DENND2B: variants seen among roughly 807,000 people sequenced by gnomAD.
DENND2B encodes the protein DENN domain containing 2B.
In DENND2B, 32 loss-of-function variants were observed where a neutral mutation model predicts 116.0. The observed-to-expected ratio is 0.28, with a 90% CI of 0.21 to 0.37. DENND2B has a LOEUF of 0.37. Among genes scored for constraint, DENND2B ranks in the 10% least tolerant of loss-of-function variants. DENND2B has a pLI of 1.00. For missense variants in DENND2B, 1,276 were observed against 1,477.7 expected (o/e 0.86, Z 2.24); for synonymous variants, 588 against 583.9 (o/e 1.01, Z -0.10).
At chr11:8,801,766 AGCCGAGGTGG>A (rs2060353903) in intron 1 of DENND2B, among the ~76,000 whole-genome samples, 1 of 149,568 alleles carries the variant, frequency 6.7e-6, no homozygotes, top group Admixed American at 6.6e-5. Context: ...CACCTTGGAA[AGCCGAGGTGG>A]GCGGATCACT....
rs374430746 is a variant in DENND2B, at chr11:8,713,960, C to G, written c.1987+38G>C. The G allele has an allele frequency of 1.9e-6, 3 of 1,611,964 alleles. No individual in the cohort carries two copies. The African/African-American group carries it at 4.0e-5, about 22-fold the overall frequency. Reference sequence around the variant, plus strand: ...GGAAGGCTGATTCCCTGCAGCCCTGCTGGGAGAGCTTCCGTACTCATGGGA... The same window carrying G: ...GGAAGGCTGATTCCCTGCAGCCCTGGTGGGAGAGCTTCCGTACTCATGGGA... On this transcript the variant is annotated intron_variant, in intron 8 of 19. Transcript: ENST00000313726.
At chr11:8,720,720 C>T (rs549213283) in intron 4 of DENND2B, among the ~76,000 whole-genome samples, 29 of 152,204 alleles carry the variant, frequency 1.9e-4, no homozygotes, top group Non-Finnish European at 2.9e-4. Context: ...TCCCAGTCAT[C>T]TCTCCAGGTG....
chr11:8,824,044 A>C (rs1329644401), intron 4 of DENND2B, among the ~76,000 whole-genome samples: 1 of 151,624 alleles, frequency 6.6e-6, no homozygotes, highest in Admixed American at 6.6e-5. Context: ...CTGGGACTAC[A>C]GGTGCCCACC....
chr11:8,894,834 AGT>A (rs2064079705), intron 1 of DENND2B, among the ~76,000 whole-genome samples: 1 of 152,164 alleles, frequency 6.6e-6, no homozygotes, highest in African/African-American at 2.4e-5. Context: ...TGTGGAAGAG[AGT>A]GTGGCAATTC....
rs2052138021 is a variant in DENND2B at position 8,750,318 on chromosome 11, GC to G, written c.80+302del. Among the ~76,000 whole-genome samples, 3 of 152,278 alleles carry G rather than the reference GC, an allele frequency of 2.0e-5. No individual in the cohort carries two copies. In the South Asian group the frequency reaches 6.2e-4, roughly 32 times the overall value. On this transcript the variant is annotated intron_variant, in intron 2 of 19. Coordinates refer to ENST00000313726, the MANE Select transcript of DENND2B (RefSeq NM_213618.2). Reference sequence around the variant, plus strand: ...ACAGTGCAGCTTAGCTCAGGCACAGGCCCCAAGCTCTCCCCACCATGGGAAA... The same window carrying G: ...ACAGTGCAGCTTAGCTCAGGCACAGGCCCAAGCTCTCCCCACCATGGGAAA...
At chr11:8,734,650 G>T (rs1009487645) in intron 2 of DENND2B, among the ~76,000 whole-genome samples, 1 of 151,970 alleles carries the variant, frequency 6.6e-6, no homozygotes, top group African/African-American at 2.4e-5. Flanking sequence ...TTAGCTGGGC[G>T]TGGTGGCAGG....
intron 4 of DENND2B, among the ~76,000 whole-genome samples, chr11:8,838,687 C>T (rs2134607555): frequency 6.6e-6 from 1 of 152,246 alleles, no homozygotes; most frequent in African/African-American, 2.4e-5. Context: ...TGAGGACAAG[C>T]TGGGAACAAA....
At chr11:8,790,566 C>G (rs554805034) in intron 1 of DENND2B, among the ~76,000 whole-genome samples, 1 of 151,998 alleles carries the variant, frequency 6.6e-6, no homozygotes, top group African/African-American at 2.4e-5. Context: ...CCCAAGAGTT[C>G]GAGACCAACC....
chr11:8,822,805 T>G (rs368223711), intron 4 of DENND2B, among the ~76,000 whole-genome samples: 36 of 152,346 alleles, frequency 2.4e-4, no homozygotes, highest in Admixed American at 2.0e-4. Context: ...TTCTAGCATA[T>G]TCATCTTTGA....
chr11:8,745,269 G>A (rs2051030835), intron 2 of DENND2B, among the ~76,000 whole-genome samples: 1 of 152,074 alleles, frequency 6.6e-6, no homozygotes, highest in Non-Finnish European at 1.5e-5. Context: ...TGCCCAGGCT[G>A]GTCTCAAACT....
At chr11:8,737,632 T>C (rs1169540120) in intron 2 of DENND2B, among the ~76,000 whole-genome samples, 1 of 152,190 alleles carries the variant, frequency 6.6e-6, no homozygotes, top group Non-Finnish European at 1.5e-5. Context: ...TGGAGAAGAA[T>C]ATGGCATAAT....
intron 4 of DENND2B, among the ~76,000 whole-genome samples, chr11:8,721,022 T>C (rs916269703): frequency 6.6e-5 from 10 of 151,996 alleles, no homozygotes; most frequent in Non-Finnish European, 1.2e-4. Context: ...CACATGACCC[T>C]TGGAGAGGGA....
intron 1 of DENND2B, among the ~76,000 whole-genome samples, chr11:8,885,432 A>C (rs2063949911): frequency 6.6e-6 from 1 of 150,718 alleles, no homozygotes. Flanking sequence ...ATTTGCTCAC[A>C]ATTAACTGTA....
chr11:8,758,158 C>T (rs2053929413), intron 1 of DENND2B, among the ~76,000 whole-genome samples: 1 of 152,176 alleles, frequency 6.6e-6, no homozygotes, highest in Admixed American at 6.5e-5. Context: ...CCCTTAAGTG[C>T]AAAAACTTGT....
chr11:8,851,459 A>T (rs1452256170), intron 3 of DENND2B, among the ~76,000 whole-genome samples: 1 of 152,232 alleles, frequency 6.6e-6, no homozygotes, highest in African/African-American at 2.4e-5. Context: ...TTTTTATCTT[A>T]TCAGATTTGC....
intron 1 of DENND2B, chr11:8,771,566 A>AGAGAGAGAGAGAGAGAGAGAGGGAGAGC (rs146752028): frequency 8.3e-6 from 1 of 120,310 alleles, no homozygotes; most frequent in Non-Finnish European, 1.8e-5. Flanking sequence ...AGAGAGAGAG[A>AGAGAGAGAGAGAGAGAGAGAGGGAGAGC]GCCTTCTTCC....
chr11:8,809,370 G>C (rs1374210835), intron 1 of DENND2B: 1 of 152,212 alleles, frequency 6.6e-6, no homozygotes, highest in Non-Finnish European at 1.5e-5. Flanking sequence ...AAAAACTGAA[G>C]AACCAGGACA....
At chr11:8,713,890 A>C in intron 8 of DENND2B, 108 bp downstream of exon 8, 1 of 1,220,582 alleles carries the variant, frequency 8.2e-7, no homozygotes, top group Non-Finnish European at 1.2e-6. Flanking sequence ...TCACCTCTCC[A>C]CATCAGGCCG....
At chr11:8,859,858 A>G (rs2063335724) in intron 2 of DENND2B, among the ~76,000 whole-genome samples, 1 of 152,164 alleles carries the variant, frequency 6.6e-6, no homozygotes, top group African/African-American at 2.4e-5. Flanking sequence ...CTTCCTGTCC[A>G]CATGCTTTGT....
Sources: gnomAD v4.1 joint callset for allele counts (sites outside exome capture counted in the v4.1 genomes callset) on GRCh38, gnomAD v4.1.1 for gene constraint, MANE v1.5 for transcripts, NCBI Gene and HGNC (gene_info 2026-07-23, HGNC 2026-07-21) for gene names.